Variants in DGKI observed in about 807,000 individuals in gnomAD.
The protein encoded by DGKI is diacylglycerol kinase iota.
A neutral mutation model predicts 147.5 loss-of-function variants in DGKI; 55 were observed. The observed-to-expected ratio is 0.37, with a 90% CI of 0.30 to 0.47. The LOEUF is 0.47. DGKI is among the 20% of genes least tolerant of loss of function. The pLI is 1.00. For synonymous variants in DGKI, 469 were observed against 477.1 expected (o/e 0.98, Z 0.22); for missense variants, 1,007 against 1,323.8 (o/e 0.76, Z 3.71).
intron 14 of DGKI, 123 bp downstream of exon 14, chr7:137,585,086 C>G: frequency 8.5e-7 from 1 of 1,183,024 alleles, no homozygotes; most frequent in Non-Finnish European, 1.2e-6. Context: ...GCCATCAACT[C>G]AAATATTATC....
intron 1 of DGKI, among the ~76,000 whole-genome samples, chr7:137,739,308 T>C (rs923304803): frequency 2.6e-5 from 4 of 152,194 alleles, no homozygotes; most frequent in Admixed American, 6.5e-5. Flanking sequence ...CCCAGTGTCA[T>C]AGGACTATTT....
At chr7:137,683,265 A>G (rs1230476857) in intron 2 of DGKI, among the ~76,000 whole-genome samples, 1 of 151,856 alleles carries the variant, frequency 6.6e-6, no homozygotes, top group Admixed American at 6.6e-5. Flanking sequence ...CCCTATTTAT[A>G]AAATAAAATC....
rs535508385 is a variant in DGKI, at chr7:137,570,060, A to G, written c.1947+1115T>C. Among the ~76,000 whole-genome samples, 89 of 152,292 alleles carry G rather than the reference A, an allele frequency of 5.8e-4. 1 individual carries two copies. In the South Asian group the frequency reaches 7.3e-3, roughly 12 times the overall value. The stretch of plus-strand genomic sequence containing the variant: ...TTTGAGGTAGAGTTATTTGGAATTC[A>G]TAAGATGAGTAAAAGAGAGACCTAT... On this transcript the variant is annotated intron_variant, in intron 19 of 32. Coordinates refer to ENST00000614521, the MANE Select transcript of DGKI (RefSeq NM_001321708.2).
intron 21 of DGKI, among the ~76,000 whole-genome samples, chr7:137,517,045 G>A (rs758809212): frequency 2.6e-5 from 4 of 151,342 alleles, no homozygotes; most frequent in African/African-American, 9.7e-5. Context: ...GACATGATGG[G>A]GCAAAAAGCC....
At chr7:137,811,216 C>G (rs1380627030) in intron 1 of DGKI, among the ~76,000 whole-genome samples, 1 of 152,112 alleles carries the variant, frequency 6.6e-6, no homozygotes, top group Non-Finnish European at 1.5e-5. Context: ...TTACCTACTG[C>G]TGTCAGGAGG....
Position 137,654,810 on chromosome 7 carries a change from A to G in DGKI, c.682-22T>C, listed in dbSNP as rs748478389. ...TAATCTGTCATTCAAAAAGAAAAGT[A>G]TATTATATTAGAGATAAGCATCAGA... is the stretch of plus-strand genomic sequence containing the variant. On this transcript the variant is annotated intron_variant, in intron 4 of 32. Transcript: ENST00000614521. 48 of 1,491,900 alleles carry G rather than the reference A, an allele frequency of 3.2e-5. No individual in the cohort carries two copies. In the East Asian group the frequency reaches 8.8e-4, roughly 27 times the overall value. The allele number at this position is 1,491,900 out of a possible 1,614,324, so 92.4% of individuals were successfully genotyped here. A position where few individuals can be genotyped will look rare whatever the true frequency, so the allele number is the denominator to read the frequency against.
At chr7:137,683,231 C>G (rs1200299337) in intron 2 of DGKI, among the ~76,000 whole-genome samples, 2 of 151,820 alleles carry the variant, frequency 1.3e-5, no homozygotes. Flanking sequence ...GTGCCTCTCC[C>G]TTGTTCAGAA....
intron 1 of DGKI, among the ~76,000 whole-genome samples, chr7:137,711,646 A>G (rs1442328822): frequency 3.6e-5 from 5 of 139,336 alleles, no homozygotes; most frequent in Admixed American, 2.9e-4. Flanking sequence ...TAATCTCTAT[A>G]TATCTTGATT....
In DGKI at chr7:137,387,540, G is replaced by A. The variant is rs1707406833; in HGVS notation, c.*3680C>T. 2 of 152,164 alleles carry A rather than the reference G, an allele frequency of 1.3e-5. No homozygotes were observed. The highest frequency in any genetic ancestry group is 2.4e-5 in the African/African-American group (1 of 41,444). The allele number at this position is 152,164 out of a possible 1,614,324, so 9.4% of individuals were successfully genotyped here. On this transcript the variant is annotated 3_prime_UTR_variant, in exon 33 of 33. Transcript: ENST00000614521. ...ATGAATATAGTATACATACTTGCAT[G>A]TGTATATAAATAAATGTCTATATAT...
At chr7:137,648,449 C>T (rs1035413459) in intron 5 of DGKI, among the ~76,000 whole-genome samples, 18 of 152,228 alleles carry the variant, frequency 1.2e-4, no homozygotes, top group Admixed American at 9.2e-4. Flanking sequence ...ACACAGTTAT[C>T]CCTTCTTCCC....
At chr7:137,400,226 A>T (rs758185324) in intron 30 of DGKI, among the ~76,000 whole-genome samples, 2 of 152,256 alleles carry the variant, frequency 1.3e-5, no homozygotes, top group Non-Finnish European at 2.9e-5. Flanking sequence ...TAAGTACCCA[A>T]TGGTCCTCTT....
chr7:137,657,918 A>G (rs1334063864), intron 3 of DGKI, among the ~76,000 whole-genome samples: 1 of 152,204 alleles, frequency 6.6e-6, no homozygotes, highest in Non-Finnish European at 1.5e-5. Context: ...ATTATCAGCC[A>G]CCAACAAAGA....
intron 21 of DGKI, among the ~76,000 whole-genome samples, chr7:137,506,234 T>C (rs1380857410): frequency 1.3e-5 from 2 of 152,158 alleles, no homozygotes; most frequent in African/African-American, 4.8e-5. Flanking sequence ...AACAGATAAA[T>C]TGTGGTATGC....
At chr7:137,412,119 G>A in intron 29 of DGKI, 51 bp downstream of exon 29, 1 of 1,524,482 alleles carries the variant, frequency 6.6e-7, no homozygotes, top group African/African-American at 1.4e-5. Context: ...GAATGATGTT[G>A]ATTTAAAGTT....
rs111398499 is a variant in DGKI at position 137,549,458 on chromosome 7, A to G, written c.2147+2911T>C. Among the ~76,000 whole-genome samples the G allele has an allele frequency of 3.1e-3, 470 of 152,266 alleles. 4 individuals are homozygous for G. Among genetic ancestry groups the G allele is most frequent in the Non-Finnish European group, 5.3e-3 (358 of 68,000 alleles). On this transcript the variant is annotated intron_variant, in intron 20 of 32. Coordinates refer to ENST00000614521, the MANE Select transcript of DGKI (RefSeq NM_001321708.2). Reference sequence around the variant, plus strand: ...GAAAGAAGCCTAATTTTTAAAGATGAATTAAACAACCACCTTCTTCTTACT... The same window carrying G: ...GAAAGAAGCCTAATTTTTAAAGATGGATTAAACAACCACCTTCTTCTTACT...
At chr7:137,421,881 T>A (rs1812585462) in intron 28 of DGKI, among the ~76,000 whole-genome samples, 1 of 152,186 alleles carries the variant, frequency 6.6e-6, no homozygotes, top group African/African-American at 2.4e-5. Context: ...CTTTAAAATC[T>A]GGATTGAGGA....
chr7:137,634,667 T>C lies in DGKI; in HGVS notation c.804+10805A>G, dbSNP rs543342574. 2.0e-5 allele frequency among the ~76,000 whole-genome samples: 3 copies of C among 152,282 alleles called. No individual in the cohort carries two copies. In the South Asian group the frequency reaches 6.2e-4, roughly 32 times the overall value. On this transcript the variant is annotated intron_variant, in intron 6 of 32. Coordinates refer to ENST00000614521, the MANE Select transcript of DGKI (RefSeq NM_001321708.2). ...AGATCACCCACATTATCCACTATTA[T>C]TACAGTACCAGGTCTCTCATTCAAC...
intron 31 of DGKI, among the ~76,000 whole-genome samples, chr7:137,396,996 CTTAGGGCAG>C (rs987236818): frequency 6.6e-5 from 10 of 152,162 alleles, no homozygotes; most frequent in African/African-American, 2.4e-4. Context: ...TGAATAATGC[CTTAGGGCAG>C]TAGGGCCCCA....
chr7:137,585,593 C>T (rs1819364114), intron 13 of DGKI, among the ~76,000 whole-genome samples: 1 of 146,704 alleles, frequency 6.8e-6, no homozygotes, highest in African/African-American at 2.8e-5. Context: ...AACCAATAGT[C>T]ACCGGTACAC....
Sources: allele counts gnomAD v4.1 joint callset (sites outside exome capture counted in the v4.1 genomes callset), GRCh38; gene constraint gnomAD v4.1.1; transcripts MANE v1.5; gene names NCBI Gene and HGNC (gene_info 2026-07-23, HGNC 2026-07-21).